TNKS2: variants seen among roughly 807,000 people sequenced by gnomAD.
TNKS2 encodes the protein tankyrase 2.
Under a neutral mutation model 137.6 loss-of-function variants are expected in TNKS2, and 72 were observed. The ratio of observed to expected loss-of-function variants is 0.52; its 90% CI spans 0.43 to 0.64. The LOEUF (loss-of-function observed/expected upper bound fraction) is 0.64. Ranked by LOEUF, TNKS2 falls within the 30% of genes least tolerant of loss-of-function variation. The pLI, the probability that TNKS2 is intolerant of heterozygous loss-of-function variation, is 0.00. For synonymous variants in TNKS2, 516 were observed against 512.1 expected, an observed-to-expected ratio of 1.01 and a Z score of -0.10; for missense variants, 1,049 against 1,410.2, an observed-to-expected ratio of 0.74 and a Z score of 4.10.
intron 6 of TNKS2, 84 bp from the exon 7 acceptor site, chr10:91,822,212 A>T: frequency 9.5e-7 from 1 of 1,057,620 alleles, no homozygotes; most frequent in Non-Finnish European, 1.4e-6. Flanking sequence ...AAGTATAAGT[A>T]ATTAAATAAA....
rs190394568 is a variant in TNKS2 at position 91,864,147 on chromosome 10, C to T, written c.*1148C>T. The T allele has an allele frequency of 6.5e-6, 1 of 152,686 alleles. No individual in the cohort carries two copies. The highest frequency in any genetic ancestry group is 1.9e-4 in the East Asian group (1 of 5,180). 9.5% of individuals were successfully genotyped at this position (152,686 alleles called of 1,614,324 possible). ...GTAGTTGTCTCAGTCCCCTCCAGGC[C>T]TCCTGAATGGGCAAGTGCAGTGAAA... On this transcript the variant is annotated 3_prime_UTR_variant, in exon 27 of 27. Transcript: ENST00000371627.
intron 1 of TNKS2, among the ~76,000 whole-genome samples, chr10:91,799,437 C>A (rs1318661429): frequency 6.6e-6 from 1 of 152,104 alleles, no homozygotes; most frequent in Admixed American, 6.5e-5. Flanking sequence ...GTGACTAGAA[C>A]GGGAAATAGG....
chr10:91,822,246 G>A (rs1211077226), intron 6 of TNKS2, 50 bp from the exon 7 acceptor site: 7 of 1,413,540 alleles, frequency 5.0e-6, no homozygotes, highest in Admixed American at 1.8e-5. Context: ...ATTTCCCTAG[G>A]CCTAAGAAAT....
chr10:91,814,784 G>C (rs996350421), intron 2 of TNKS2, among the ~76,000 whole-genome samples: 1 of 152,186 alleles, frequency 6.6e-6, no homozygotes, highest in Non-Finnish European at 1.5e-5. Context: ...GACTGTACCA[G>C]CTAGGTTTGT....
At chr10:91,820,317 C>G (rs1320105594) in intron 6 of TNKS2, among the ~76,000 whole-genome samples, 1 of 152,068 alleles carries the variant, frequency 6.6e-6, no homozygotes, top group Admixed American at 6.6e-5. Flanking sequence ...GCAGGAGTTC[C>G]CAGGAAGGAA....
In TNKS2 at chr10:91,863,923, G is replaced by T. The variant is rs1158668528; in HGVS notation, c.*924G>T. 1 of 152,002 alleles carries T rather than the reference G, an allele frequency of 6.6e-6. No individual in the cohort carries two copies. The highest frequency in any genetic ancestry group is 6.6e-5 in the Admixed American group (1 of 15,258). 9.4% of individuals were successfully genotyped at this position (152,002 alleles called of 1,614,324 possible). On this transcript the variant is annotated 3_prime_UTR_variant, in exon 27 of 27. Transcript: ENST00000371627. ...ACATAAGTAGGATGTTACATTTCCA[G>T]GGTGGGAAGGGTAATCCTAAATCAT... is the stretch of plus-strand genomic sequence containing the variant.
chr10:91,846,505 A>G (rs1194236523), intron 18 of TNKS2, among the ~76,000 whole-genome samples: 2 of 151,976 alleles, frequency 1.3e-5, no homozygotes, highest in African/African-American at 4.8e-5. Context: ...CAGGTGTAGG[A>G]GCTTCCACTG....
chr10:91,862,028 G>GCA lies in TNKS2; in HGVS notation c.3311_3312insCA (p.Phe1107LeufsTer8). ...CTGCTCTTTTGCCGGGTAACCTTGG[G>GCA]AAAGTCTTTCCTGCAGTTCAGTGCA... On this transcript the variant is annotated frameshift_variant, in exon 26 of 27. Transcript: ENST00000371627. LOFTEE classifies it high-confidence loss of function. The GCA allele has an allele frequency of 6.2e-7, 1 of 1,610,618 alleles. No individual in the cohort carries two copies. The highest frequency in any genetic ancestry group is 1.3e-5 in the African/African-American group (1 of 74,896).
At chr10:91,822,774 T>A (rs940739341) in intron 7 of TNKS2, among the ~76,000 whole-genome samples, 5 of 152,034 alleles carry the variant, frequency 3.3e-5, no homozygotes, top group African/African-American at 1.2e-4. Flanking sequence ...GCCAGGCTGG[T>A]CTTGAACTCC....
chr10:91,826,741 A>G (rs190192450), intron 7 of TNKS2, among the ~76,000 whole-genome samples: 1 of 152,338 alleles, frequency 6.6e-6, no homozygotes, highest in East Asian at 1.9e-4. Flanking sequence ...CAAGAGGAGC[A>G]TTCATTCTTG....
chr10:91,804,995 C>T (rs574627686), intron 1 of TNKS2, among the ~76,000 whole-genome samples: 6 of 152,252 alleles, frequency 3.9e-5, no homozygotes, highest in African/African-American at 1.4e-4. Context: ...AATTCCTGAC[C>T]TCAGGTGATC....
intron 1 of TNKS2, among the ~76,000 whole-genome samples, chr10:91,812,233 A>G (rs1589648850): frequency 6.6e-6 from 1 of 152,330 alleles, no homozygotes; most frequent in East Asian, 1.9e-4. Context: ...GGGAATGATA[A>G]GAGATTGAAA....
At chr10:91,828,003 C>T (rs1382469576) in intron 8 of TNKS2, among the ~76,000 whole-genome samples, 1 of 151,974 alleles carries the variant, frequency 6.6e-6, no homozygotes, top group African/African-American at 2.4e-5. Context: ...TCCAGATATC[C>T]CAAAATGAAT....
chr10:91,831,040 A>G (rs1261699982), intron 10 of TNKS2, 26 bp downstream of exon 10: 4 of 1,611,314 alleles, frequency 2.5e-6, no homozygotes, highest in African/African-American at 1.3e-5. Context: ...ATGATTAAAT[A>G]TCATTGAGAT....
At chr10:91,850,734 A>G (rs913076450) in intron 20 of TNKS2, among the ~76,000 whole-genome samples, 7 of 152,218 alleles carry the variant, frequency 4.6e-5, no homozygotes, top group African/African-American at 1.7e-4. Flanking sequence ...ATAAAAAAAC[A>G]GAAATTTGAA....
Position 91,801,576 on chromosome 10 carries a change from C to T in TNKS2, c.199+2687C>T, listed in dbSNP as rs552979479. On this transcript the variant is annotated intron_variant, in intron 1 of 26. Coordinates refer to ENST00000371627, the MANE Select transcript of TNKS2 (RefSeq NM_025235.4). ...GCAACCCCCACCTTCCGGGTTCGAC[C>T]GATTCTCCTGTCTCAGCCTCCTAAG... is the stretch of plus-strand genomic sequence containing the variant. 3.9e-5 allele frequency among the ~76,000 whole-genome samples: 6 copies of T among 152,218 alleles called. No individual in the cohort carries two copies. In the South Asian group the frequency reaches 8.3e-4, roughly 21 times the overall value.
In TNKS2 at chr10:91,814,176, G is replaced by C. The variant is rs190430451; in HGVS notation, c.424+969G>C. 2.6e-5 allele frequency among the ~76,000 whole-genome samples: 4 copies of C among 152,252 alleles called. No individual in the cohort carries two copies. In the East Asian group the frequency reaches 7.7e-4, roughly 29 times the overall value. On this transcript the variant is annotated intron_variant, in intron 2 of 26. Coordinates refer to ENST00000371627, the MANE Select transcript of TNKS2 (RefSeq NM_025235.4). ...TCCAGTGGGAGAAGATATGGAGGTGGAAGACAGTGATATTGATGATCTTGA... is the reference window on the plus strand; with the variant it reads ...TCCAGTGGGAGAAGATATGGAGGTGCAAGACAGTGATATTGATGATCTTGA...
intron 1 of TNKS2, among the ~76,000 whole-genome samples, chr10:91,807,818 C>T (rs1844375414): frequency 6.6e-6 from 1 of 151,840 alleles, no homozygotes; most frequent in Non-Finnish European, 1.5e-5. Flanking sequence ...CATGGTGAAA[C>T]CCCCCCTTTA....
At chr10:91,846,207 G>T (rs188807146) in intron 18 of TNKS2, among the ~76,000 whole-genome samples, 3 of 152,100 alleles carry the variant, frequency 2.0e-5, no homozygotes, top group Non-Finnish European at 4.4e-5. Context: ...AACTGCTTAC[G>T]TTAGTTAGGA....
Sources: gnomAD v4.1 joint callset for allele counts (sites outside exome capture counted in the v4.1 genomes callset) on GRCh38, gnomAD v4.1.1 for gene constraint, MANE v1.5 for transcripts, NCBI Gene and HGNC (gene_info 2026-07-23, HGNC 2026-07-21) for gene names.